The following EXOC4 variants were observed in gnomAD, a reference collection of about 807,000 sequenced individuals.
The protein encoded by EXOC4 is exocyst complex component 4.
EXOC4 carries 71 observed loss-of-function variants against 107.2 expected under a neutral mutation model. The observed-to-expected ratio is 0.66, with a 90% CI of 0.55 to 0.81. The LOEUF (loss-of-function observed/expected upper bound fraction) is 0.81. Among genes scored for constraint, EXOC4 ranks in the 30% least tolerant of loss-of-function variants. The pLI is 0.00. For synonymous variants in EXOC4, 456 were observed against 441.2 expected (o/e 1.03, Z -0.42); for missense variants, 1,108 against 1,189.6 (o/e 0.93, Z 1.01).
intron 14 of EXOC4, among the ~76,000 whole-genome samples, chr7:133,946,826 A>G (rs764032957): frequency 2.0e-4 from 31 of 152,222 alleles, no homozygotes; most frequent in Non-Finnish European, 3.5e-4. Context: ...GAAATTGCTG[A>G]TAACACAAGA....
intron 10 of EXOC4, among the ~76,000 whole-genome samples, chr7:133,742,290 C>G (rs1023644661): frequency 3.9e-5 from 6 of 152,156 alleles, no homozygotes; most frequent in African/African-American, 1.4e-4. Context: ...TTAGAGATTT[C>G]TGGTTACCTT....
At chr7:133,319,941 A>T (rs1795076064) in intron 5 of EXOC4, among the ~76,000 whole-genome samples, 1 of 150,718 alleles carries the variant, frequency 6.6e-6, no homozygotes, top group Non-Finnish European at 1.5e-5. Context: ...AGTGCCTACC[A>T]TATGGTAAAG....
Position 133,700,031 on chromosome 7 carries a change from A to G in EXOC4, c.1514+69890A>G, listed in dbSNP as rs907675541. On this transcript the variant is annotated intron_variant, in intron 10 of 17. Coordinates refer to ENST00000253861, the MANE Select transcript of EXOC4 (RefSeq NM_021807.4). ...TTATGTTCATGTGTTATTCAATCCTATATGCTTTTCAAAAAAACCTGCATT... is the reference window on the plus strand; with the variant it reads ...TTATGTTCATGTGTTATTCAATCCTGTATGCTTTTCAAAAAAACCTGCATT... Among the ~76,000 whole-genome samples the G allele has an allele frequency of 2.0e-5, 3 of 152,292 alleles. No individual in the cohort carries two copies. The East Asian group carries it at 5.8e-4, about 29-fold the overall frequency.
chr7:133,994,358 A>G (rs1585307794), intron 14 of EXOC4, among the ~76,000 whole-genome samples: 1 of 151,942 alleles, frequency 6.6e-6, no homozygotes, highest in Non-Finnish European at 1.5e-5. Flanking sequence ...CGGGGGGAGG[A>G]GGGCAAGGGG....
chr7:133,256,661 A>G (rs1364320873), intron 1 of EXOC4, among the ~76,000 whole-genome samples: 1 of 152,196 alleles, frequency 6.6e-6, no homozygotes, highest in Non-Finnish European at 1.5e-5. Context: ...TCTTGCTCAG[A>G]TGTGTAAAAA....
chr7:133,779,874 A>AGCC (rs1366804274), intron 10 of EXOC4, among the ~76,000 whole-genome samples: 1 of 152,080 alleles, frequency 6.6e-6, no homozygotes, highest in Non-Finnish European at 1.5e-5. Context: ...CACCCCAGCC[A>AGCC]GCAGCAGCAA....
At chr7:133,534,597 G>A (rs1459362841) in intron 9 of EXOC4, among the ~76,000 whole-genome samples, 1 of 152,090 alleles carries the variant, frequency 6.6e-6, no homozygotes, top group African/African-American at 2.4e-5. Context: ...TGTTTTCTCT[G>A]CAGTTTAACC....
At chr7:133,412,552 A>G (rs1797385921) in intron 7 of EXOC4, among the ~76,000 whole-genome samples, 1 of 151,972 alleles carries the variant, frequency 6.6e-6, no homozygotes, top group South Asian at 2.1e-4. Context: ...TGAAAAATCA[A>G]ATATTCTTTT....
At chr7:134,080,850 G>A in the EXOC4 span, among the ~76,000 whole-genome samples, 3 of 151,908 alleles carry the variant, frequency 2.0e-5, no homozygotes, top group South Asian at 6.2e-4. Flanking sequence ...GGAAGCTGAG[G>A]CAGAAGGACT....
chr7:133,443,373 T>G (rs7798283), intron 7 of EXOC4, among the ~76,000 whole-genome samples: 13,767 of 152,238 alleles, frequency 0.09, 871 homozygotes, highest in Middle Eastern at 0.18. Flanking sequence ...GTACAGAATG[T>G]GGGCCCATCT....
chr7:133,983,049 T>C (rs530634790), intron 14 of EXOC4, among the ~76,000 whole-genome samples: 1 of 152,318 alleles, frequency 6.6e-6, no homozygotes, highest in Non-Finnish European at 1.5e-5. Flanking sequence ...AGGACAGTGC[T>C]AGCATCTGCT....
intron 10 of EXOC4, among the ~76,000 whole-genome samples, chr7:133,730,069 T>C (rs1179344410): frequency 6.6e-6 from 1 of 150,874 alleles, no homozygotes; most frequent in Non-Finnish European, 1.5e-5. Context: ...TGCAGGCTTT[T>C]GACCAAATTA....
At chr7:133,840,726 C>G (rs931037639) in intron 11 of EXOC4, among the ~76,000 whole-genome samples, 6 of 152,094 alleles carry the variant, frequency 3.9e-5, no homozygotes, top group Non-Finnish European at 7.4e-5. Context: ...CGCGATCCAC[C>G]TGCCTCAGCC....
intron 12 of EXOC4, among the ~76,000 whole-genome samples, chr7:133,903,896 T>C (rs560277873): frequency 3.3e-5 from 5 of 152,096 alleles, no homozygotes; most frequent in Admixed American, 1.3e-4. Context: ...GAGGAAAATC[T>C]AGAAAATACA....
intron 17 of EXOC4, among the ~76,000 whole-genome samples, chr7:134,018,149 G>T (rs747030199): frequency 2.0e-5 from 3 of 152,180 alleles, no homozygotes; most frequent in Non-Finnish European, 4.4e-5. Flanking sequence ...CCAGGGAAGG[G>T]TTGCATTGTA....
chr7:133,267,781 C>T (rs934095297), intron 1 of EXOC4, among the ~76,000 whole-genome samples: 2 of 152,190 alleles, frequency 1.3e-5, no homozygotes, highest in Non-Finnish European at 2.9e-5. Flanking sequence ...TTTGAGCATG[C>T]ATTTCATGTG....
In EXOC4 at chr7:133,737,909, C is replaced by CTTTTTTTTTTTTTTTTTTT. The variant is rs10673346; in HGVS notation, c.1515-79414_1515-79396dup. 4.6e-4 allele frequency among the ~76,000 whole-genome samples: 41 copies of CTTTTTTTTTTTTTTTTTTT among 89,310 alleles called. 1 individual carries two copies. Among genetic ancestry groups the CTTTTTTTTTTTTTTTTTTT allele is most frequent in the Non-Finnish European group, 6.1e-4 (30 of 49,580 alleles). 58.6% of individuals were successfully genotyped at this position (89,310 alleles called of 152,430 possible). ...TTTTTGTGCCTCTTGATTTTTCTTT[C>CTTTTTTTTTTTTTTTTTTT]TTTTTTTTTTTTTTTTTTTTGAGAC... On this transcript the variant is annotated intron_variant, in intron 10 of 17. Transcript: ENST00000253861.
intron 11 of EXOC4, among the ~76,000 whole-genome samples, chr7:133,853,020 C>T (rs1367799756): frequency 1.3e-5 from 2 of 152,062 alleles, no homozygotes; most frequent in Non-Finnish European, 2.9e-5. Context: ...TACTGGAAGC[C>T]GGATTTAGTC....
At chr7:133,836,493 G>C (rs1797921500) in intron 11 of EXOC4, among the ~76,000 whole-genome samples, 2 of 152,072 alleles carry the variant, frequency 1.3e-5, no homozygotes, top group African/African-American at 4.8e-5. Flanking sequence ...ACCGACACTT[G>C]TACTGTAAAA....
Sources: allele counts gnomAD v4.1 joint callset (sites outside exome capture counted in the v4.1 genomes callset), GRCh38; gene constraint gnomAD v4.1.1; transcripts MANE v1.5; gene names NCBI Gene and HGNC (gene_info 2026-07-23, HGNC 2026-07-21).